Variants in UGCG observed in about 807,000 individuals in gnomAD.
UGCG encodes the protein UDP-glucose ceramide glucosyltransferase, also known as ceramide glucosyltransferase.
Under a neutral mutation model 49.5 loss-of-function variants are expected in UGCG, and 10 were observed. That is an observed-to-expected ratio of 0.20 (90% confidence interval 0.12 to 0.34). The LOEUF (loss-of-function observed/expected upper bound fraction) is 0.34. Among genes scored for constraint, UGCG ranks in the 10% least tolerant of loss-of-function variants. UGCG has a pLI of 1.00. For synonymous variants in UGCG, 182 were observed against 158.2 expected (o/e 1.15, Z -1.13); for missense variants, 312 against 483.7 (o/e 0.65, Z 3.33).
chr9:111,903,997 G>C (rs187788734), intron 1 of UGCG, among the ~76,000 whole-genome samples: 1 of 152,200 alleles, frequency 6.6e-6, no homozygotes, highest in Non-Finnish European at 1.5e-5. Context: ...CACCCCTACA[G>C]ACATGGTTAA....
chr9:111,916,499 T>G (rs1589523179), intron 2 of UGCG, among the ~76,000 whole-genome samples: 1 of 152,148 alleles, frequency 6.6e-6, no homozygotes, highest in South Asian at 2.1e-4. Context: ...AGACAGTATC[T>G]TGCTTTGTCA....
intron 1 of UGCG, among the ~76,000 whole-genome samples, chr9:111,907,510 C>A (rs1837909570): frequency 6.6e-6 from 1 of 152,064 alleles, no homozygotes; most frequent in South Asian, 2.1e-4. Context: ...TTTCCTGATT[C>A]TTTGCATGCT....
chr9:111,922,256 A>T (rs1196263800), intron 2 of UGCG, among the ~76,000 whole-genome samples: 2 of 152,184 alleles, frequency 1.3e-5, no homozygotes, highest in African/African-American at 2.4e-5. Flanking sequence ...CAAGATCGTA[A>T]ATGTCCATTC....
At chr9:111,926,575 A>G in intron 5 of UGCG, 79 bp downstream of exon 5, 1 of 1,110,726 alleles carries the variant, frequency 9.0e-7, no homozygotes, top group Middle Eastern at 2.1e-4. Flanking sequence ...GGGAGCTGGA[A>G]TTAGGTATCT....
chr9:111,929,243 T>G, intron 5 of UGCG: 1 of 328,780 alleles, frequency 3.0e-6, no homozygotes, highest in Non-Finnish European at 5.6e-6. Context: ...TGTTAATATT[T>G]TATATATCAA....
intron 1 of UGCG, among the ~76,000 whole-genome samples, chr9:111,903,470 C>T (rs2131714684): frequency 6.6e-6 from 1 of 152,276 alleles, no homozygotes; most frequent in East Asian, 1.9e-4. Flanking sequence ...GAGGCAGAGA[C>T]AGGAGAATCG....
intron 1 of UGCG, among the ~76,000 whole-genome samples, chr9:111,910,979 T>C (rs564611361): frequency 6.6e-4 from 100 of 152,282 alleles, no homozygotes; most frequent in Middle Eastern, 6.8e-3. Flanking sequence ...ACTCCTGACC[T>C]CAAGTGATCC....
chr9:111,901,162 A>C (rs1339838274), intron 1 of UGCG, among the ~76,000 whole-genome samples: 2 of 152,230 alleles, frequency 1.3e-5, no homozygotes, highest in African/African-American at 4.8e-5. Context: ...CCTGATGCAC[A>C]GTTTTTGAAT....
intron 7 of UGCG, 56 bp from the exon 8 acceptor site, chr9:111,932,114 G>T (rs553251512): frequency 2.7e-4 from 410 of 1,495,812 alleles, no homozygotes; most frequent in Admixed American, 4.2e-4. Context: ...AAAAAAAAAA[G>T]GATTTGTCTT....
chr9:111,926,161 C>T (rs962889813), intron 4 of UGCG, among the ~76,000 whole-genome samples: 4 of 152,214 alleles, frequency 2.6e-5, no homozygotes, highest in African/African-American at 9.6e-5. Flanking sequence ...ATATACTGGG[C>T]TAAAAAATGT....
In UGCG at chr9:111,929,621, T is replaced by A. The variant is rs142111180; in HGVS notation, c.680T>A (p.Ile227Lys). 1.9e-6 allele frequency: 3 copies of A among 1,614,146 alleles called. No individual in the cohort carries two copies. Among genetic ancestry groups the A allele is most frequent in the Non-Finnish European group, 2.5e-6 (3 of 1,180,020 alleles). Residue 227 changes from isoleucine (I) to lysine (K), a missense_variant, in exon 6 of 9, where the codon ATA becomes AAA. This residue lies in a region of UGCG where 180 missense variants were observed against 320.4 expected (regional missense o/e 0.56). Coordinates refer to ENST00000374279, the MANE Select transcript of UGCG (RefSeq NM_003358.3). ...GTGTTGGATCAAGCAGGAGGACTTA[T>A]AGCTTTTGCTCAGTACATTGCCGAA... is the stretch of plus-strand genomic sequence containing the variant. Reference protein sequence around the residue: ...KDVLDQAGGLIAFAQYIAEDY... With the variant: ...KDVLDQAGGLKAFAQYIAEDY...
chr9:111,926,861 C>CTTTTTTTT lies in UGCG; in HGVS notation c.558+387_558+394dup, dbSNP rs56298523. Among the ~76,000 whole-genome samples the CTTTTTTTT allele has an allele frequency of 4.5e-3, 258 of 56,882 alleles. 50 individuals carry two copies. The highest frequency in any genetic ancestry group is 6.4e-3 in the Non-Finnish European group (177 of 27,526). 37.3% of individuals were successfully genotyped at this position (56,882 alleles called of 152,430 possible). On this transcript the variant is annotated intron_variant, in intron 5 of 8. Transcript: ENST00000374279. Reference sequence around the variant, plus strand: ...GAACCGCTGGCCCCCTCCCCCCAGCCTTTTTTTTTTTTTTTTTTTTTTTTT... The same window carrying CTTTTTTTT: ...GAACCGCTGGCCCCCTCCCCCCAGCCTTTTTTTTTTTTTTTTTTTTTTTTTTTTTTTTT...
At chr9:111,911,927 T>TATATATATTCAACAGG (rs1554733521) in intron 1 of UGCG, among the ~76,000 whole-genome samples, 1 of 24,806 alleles carries the variant, frequency 4.0e-5, no homozygotes, top group African/African-American at 1.9e-4. Context: ...TATATATATA[T>TATATATATTCAACAGG]ATATATATAT....
At chr9:111,921,892 G>C (rs1039259721) in intron 2 of UGCG, among the ~76,000 whole-genome samples, 10 of 139,112 alleles carry the variant, frequency 7.2e-5, no homozygotes, top group Non-Finnish European at 1.5e-5. Flanking sequence ...GCTCACTGCA[G>C]CCTCAACCTC....
intron 2 of UGCG, among the ~76,000 whole-genome samples, chr9:111,916,050 A>G (rs1838104441): frequency 7.2e-5 from 11 of 152,152 alleles, no homozygotes; most frequent in Admixed American, 7.2e-4. Context: ...TAATTTTTAA[A>G]TAAGATATAA....
At chr9:111,930,634 C>A (rs1268153658) in intron 6 of UGCG, among the ~76,000 whole-genome samples, 2 of 151,696 alleles carry the variant, frequency 1.3e-5, no homozygotes, top group Non-Finnish European at 2.9e-5. Context: ...CACTCAGCTA[C>A]TTTTTTTTGT....
chr9:111,919,505 A>G (rs961917831), intron 2 of UGCG, among the ~76,000 whole-genome samples: 2 of 149,784 alleles, frequency 1.3e-5, no homozygotes, highest in African/African-American at 2.5e-5. Context: ...TAAAGATACT[A>G]TGCTGGCTGG....
At position 111,921,275 on chromosome 9, in the gene UGCG, T is replaced by C. The variant is rs145446719; in HGVS notation, c.241-1574T>C. The stretch of plus-strand genomic sequence containing the variant: ...GTCAACATGAATTTATTACCACTTC[T>C]GGGGAAAAAAATCACTACTTAGAAT... On this transcript the variant is annotated intron_variant, in intron 2 of 8. Transcript: ENST00000374279. Among the ~76,000 whole-genome samples the C allele has an allele frequency of 8.2e-3, 1,244 of 152,110 alleles. 9 individuals are homozygous for C. Among genetic ancestry groups the C allele is most frequent in the Non-Finnish European group, 0.012 (807 of 67,984 alleles).
At chr9:111,905,658 T>C (rs958125165) in intron 1 of UGCG, among the ~76,000 whole-genome samples, 11 of 152,024 alleles carry the variant, frequency 7.2e-5, no homozygotes, top group African/African-American at 2.7e-4. Flanking sequence ...TTCACCATAT[T>C]GGTTGGGCTG....
Sources: allele counts gnomAD v4.1 joint callset (sites outside exome capture counted in the v4.1 genomes callset), GRCh38; gene constraint gnomAD v4.1.1; regional missense constraint gnomAD v4.1.1; transcripts MANE v1.5; gene names NCBI Gene and HGNC (gene_info 2026-07-23, HGNC 2026-07-21).